Variants in ANKS1B observed in about 807,000 individuals in gnomAD.
ANKS1B encodes ankyrin repeat and sterile alpha motif domain-containing protein 1B.
Under a neutral mutation model 148.3 loss-of-function variants are expected in ANKS1B, and 36 were observed. That is an observed-to-expected ratio of 0.24 (90% confidence interval 0.19 to 0.32). The LOEUF is 0.32. ANKS1B is among the 10% of genes least tolerant of loss of function. ANKS1B has a pLI of 1.00. For missense variants in ANKS1B, 1,157 were observed against 1,542.6 expected (o/e 0.75, Z 4.19); for synonymous variants, 542 against 560.8 (o/e 0.97, Z 0.47).
At chr12:99,389,726 G>A (rs1262117266) in intron 12 of ANKS1B, among the ~76,000 whole-genome samples, 1 of 152,110 alleles carries the variant, frequency 6.6e-6, no homozygotes, top group African/African-American at 2.4e-5. Context: ...TAACAAATCT[G>A]TTATATTTTC....
At chr12:98,873,384 C>A (rs539596489) in intron 17 of ANKS1B, among the ~76,000 whole-genome samples, 34 of 152,276 alleles carry the variant, frequency 2.2e-4, no homozygotes, top group African/African-American at 7.2e-4. Context: ...AAATGATCTC[C>A]ATTCCTATTC....
intron 16 of ANKS1B, among the ~76,000 whole-genome samples, chr12:99,065,638 C>CTCAT (rs2043969335): frequency 4.8e-5 from 2 of 41,894 alleles, no homozygotes; most frequent in Non-Finnish European, 1.6e-4. Flanking sequence ...ATCCATCCAT[C>CTCAT]CCATCCATCC....
intron 15 of ANKS1B, among the ~76,000 whole-genome samples, chr12:99,109,098 G>C (rs146181643): frequency 4.6e-4 from 70 of 152,206 alleles, no homozygotes; most frequent in African/African-American, 1.7e-3. Context: ...TGCCCTCAAG[G>C]TTGCTCCCTG....
intron 15 of ANKS1B, among the ~76,000 whole-genome samples, chr12:99,107,396 T>C (rs574232906): frequency 7.0e-4 from 107 of 152,262 alleles, no homozygotes; most frequent in African/African-American, 2.3e-3. Context: ...ACCTCCACCA[T>C]GCTGCCTCAG....
At chr12:98,859,935 G>A (rs7961570) in intron 17 of ANKS1B, among the ~76,000 whole-genome samples, 58,525 of 151,902 alleles carry the variant, frequency 0.39, 11,549 homozygotes, top group East Asian at 0.48. Context: ...TATTACACAG[G>A]AAAAAAACTT....
intron 12 of ANKS1B, among the ~76,000 whole-genome samples, chr12:99,320,419 C>T (rs1160681481): frequency 6.6e-6 from 1 of 152,156 alleles, no homozygotes; most frequent in Non-Finnish European, 1.5e-5. Context: ...CTAAACTTCT[C>T]TTCTCGCTTC....
intron 17 of ANKS1B, among the ~76,000 whole-genome samples, chr12:98,869,236 C>T (rs939220486): frequency 6.6e-6 from 1 of 152,210 alleles, no homozygotes; most frequent in Admixed American, 6.5e-5. Context: ...TTGATGCATG[C>T]TTGGTATTCA....
intron 9 of ANKS1B, among the ~76,000 whole-genome samples, chr12:99,585,049 A>G (rs1229371474): frequency 6.6e-6 from 1 of 152,148 alleles, no homozygotes; most frequent in Non-Finnish European, 1.5e-5. Context: ...ACAGTGCCTC[A>G]ATATCTTAAC....
At chr12:99,749,736 TC>T (rs750409871) in intron 8 of ANKS1B, among the ~76,000 whole-genome samples, 12 of 151,798 alleles carry the variant, frequency 7.9e-5, no homozygotes, top group Non-Finnish European at 1.8e-4. Context: ...CTTAAGGGAG[TC>T]AATATAAACA....
chr12:99,251,295 A>G (rs1240115042), intron 12 of ANKS1B, among the ~76,000 whole-genome samples: 1 of 152,212 alleles, frequency 6.6e-6, no homozygotes, highest in Non-Finnish European at 1.5e-5. Flanking sequence ...ATTTTTATAA[A>G]GAAATACAGT....
At chr12:98,892,285 C>A (rs1309876071) in intron 17 of ANKS1B, among the ~76,000 whole-genome samples, 4 of 152,140 alleles carry the variant, frequency 2.6e-5, no homozygotes, top group African/African-American at 9.7e-5. Flanking sequence ...AAACCTACTT[C>A]GAAACACACG....
intron 8 of ANKS1B, among the ~76,000 whole-genome samples, chr12:99,724,349 C>T (rs1019958414): frequency 5.9e-5 from 9 of 152,096 alleles, no homozygotes; most frequent in South Asian, 4.1e-4. Context: ...GGAAGAACTT[C>T]GTGAAGCATA....
intron 9 of ANKS1B, among the ~76,000 whole-genome samples, chr12:99,531,138 T>A (rs1293100540): frequency 6.6e-6 from 1 of 152,208 alleles, no homozygotes; most frequent in Non-Finnish European, 1.5e-5. Context: ...ACTACATAGC[T>A]TGCTTTCTTC....
At chr12:99,214,500 TC>T (rs1486553822) in intron 14 of ANKS1B, among the ~76,000 whole-genome samples, 2 of 152,102 alleles carry the variant, frequency 1.3e-5, no homozygotes, top group African/African-American at 4.8e-5. Flanking sequence ...AAGGGGCAGT[TC>T]CCCTGCACAT....
intron 25 of ANKS1B, among the ~76,000 whole-genome samples, chr12:98,754,743 G>A (rs2098189795): frequency 6.6e-6 from 1 of 152,230 alleles, no homozygotes; most frequent in African/African-American, 2.4e-5. Flanking sequence ...TTTTTCACAT[G>A]ATTATGGGAA....
At chr12:99,837,646 G>T (rs2085064203) in intron 1 of ANKS1B, among the ~76,000 whole-genome samples, 2 of 152,114 alleles carry the variant, frequency 1.3e-5, no homozygotes, top group Non-Finnish European at 1.5e-5. Context: ...ATTTATCAAA[G>T]ATCACACAGC....
chr12:99,269,864 G>T (rs2076856462), intron 12 of ANKS1B, among the ~76,000 whole-genome samples: 1 of 152,072 alleles, frequency 6.6e-6, no homozygotes, highest in Non-Finnish European at 1.5e-5. Flanking sequence ...CGGCCGACTT[G>T]CTCATTATTT....
chr12:98,853,063 A>T (rs1436470666), intron 17 of ANKS1B, among the ~76,000 whole-genome samples: 2 of 152,242 alleles, frequency 1.3e-5, no homozygotes, highest in African/African-American at 4.8e-5. Flanking sequence ...ACTGTAAAAG[A>T]TGACAGAAGC....
chr12:99,337,746 C>A (rs1329940221), intron 12 of ANKS1B, among the ~76,000 whole-genome samples: 1 of 152,216 alleles, frequency 6.6e-6, no homozygotes, highest in Middle Eastern at 3.2e-3. Flanking sequence ...AACACTGAGA[C>A]TTTTAGAGAC....
Sources: allele counts gnomAD v4.1 joint callset (sites outside exome capture counted in the v4.1 genomes callset), GRCh38; gene constraint gnomAD v4.1.1; transcripts MANE v1.5; gene names NCBI Gene and HGNC (gene_info 2026-07-23, HGNC 2026-07-21).